ULK4: variants seen among roughly 807,000 people sequenced by gnomAD.
ULK4 encodes the protein unc-51 like kinase 4.
ULK4 carries 133 observed loss-of-function variants against 160.6 expected under a neutral mutation model. The ratio of observed to expected loss-of-function variants is 0.83; its 90% CI spans 0.72 to 0.96. The LOEUF is 0.96. ULK4 is among the 40% of genes least tolerant of loss of function. ULK4 has a pLI of 0.00. For missense variants in ULK4, 1,580 were observed against 1,499.5 expected (o/e 1.05, Z -0.89); for synonymous variants, 534 against 539.8 (o/e 0.99, Z 0.15).
chr3:41,320,203 G>A (rs993803417), intron 35 of ULK4, among the ~76,000 whole-genome samples: 7 of 152,062 alleles, frequency 4.6e-5, no homozygotes, highest in African/African-American at 1.7e-4. Flanking sequence ...AGATTTCTCA[G>A]GAGGATGAAG....
chr3:41,249,389 C>T, intron 36 of ULK4, 100 bp downstream of exon 36: 1 of 1,120,824 alleles, frequency 8.9e-7, no homozygotes, highest in Non-Finnish European at 1.3e-6. Flanking sequence ...GGTGGTAGTC[C>T]CTGGTGTGGA....
chr3:41,607,340 TGAA>T (rs1257874491), intron 31 of ULK4, among the ~76,000 whole-genome samples: 1 of 152,158 alleles, frequency 6.6e-6, no homozygotes, highest in African/African-American at 2.4e-5. Flanking sequence ...TATAACCTTT[TGAA>T]GGAGAAGTCC....
At chr3:41,674,559 C>A (rs1345981879) in intron 29 of ULK4, among the ~76,000 whole-genome samples, 1 of 152,104 alleles carries the variant, frequency 6.6e-6, no homozygotes, top group Non-Finnish European at 1.5e-5. Context: ...TTCCAACTAC[C>A]TTGAAGAAAG....
At chr3:41,818,654 C>T (rs1258284395) in intron 19 of ULK4, among the ~76,000 whole-genome samples, 1 of 152,170 alleles carries the variant, frequency 6.6e-6, no homozygotes, top group East Asian at 1.9e-4. Flanking sequence ...AGTTTTTCTA[C>T]ACTTGGAACA....
intron 19 of ULK4, 85 bp downstream of exon 19, chr3:41,819,338 A>ACTG: frequency 7.7e-7 from 1 of 1,306,958 alleles, no homozygotes; most frequent in Non-Finnish European, 1.1e-6. Flanking sequence ...AAGCTCCTGC[A>ACTG]CTGCTGCAGG....
At chr3:41,323,232 C>G (rs1461913105) in intron 35 of ULK4, among the ~76,000 whole-genome samples, 1 of 152,018 alleles carries the variant, frequency 6.6e-6, no homozygotes, top group Non-Finnish European at 1.5e-5. Flanking sequence ...CCACCATGCC[C>G]GGCCATTCTT....
intron 35 of ULK4, among the ~76,000 whole-genome samples, chr3:41,356,123 T>C (rs1369720668): frequency 6.6e-6 from 1 of 152,168 alleles, no homozygotes; most frequent in African/African-American, 2.4e-5. Flanking sequence ...GTTTCCATAT[T>C]TGAGGCTGCC....
At chr3:41,689,308 T>C (rs2036204361) in intron 27 of ULK4, among the ~76,000 whole-genome samples, 1 of 152,366 alleles carries the variant, frequency 6.6e-6, no homozygotes, top group Middle Eastern at 3.4e-3. Context: ...CCCTTTTTAA[T>C]AATTAAATTT....
chr3:41,498,273 G>C (rs949977876), intron 32 of ULK4, among the ~76,000 whole-genome samples: 14 of 152,148 alleles, frequency 9.2e-5, no homozygotes, highest in African/African-American at 3.1e-4. Context: ...TCAAATGTTT[G>C]GGAATTAAGG....
chr3:41,540,539 T>C (rs2086661125), intron 32 of ULK4, among the ~76,000 whole-genome samples: 2 of 152,228 alleles, frequency 1.3e-5, no homozygotes, highest in African/African-American at 4.8e-5. Context: ...TTATAATCCT[T>C]TGGGTATATA....
rs1485916583 is a variant in ULK4, at chr3:41,774,761, G to A, written c.2193+14900C>T. On this transcript the variant is annotated intron_variant, in intron 21 of 36. Transcript: ENST00000301831. ...GGATTATAAATCATGCTGCTATAAAGACACATGCACACATATGTTTATTGC... is the reference window on the plus strand; with the variant it reads ...GGATTATAAATCATGCTGCTATAAAAACACATGCACACATATGTTTATTGC... Among the ~76,000 whole-genome samples the A allele has an allele frequency of 2.7e-5, 4 of 150,406 alleles. 1 individual carries two copies. The highest frequency in any genetic ancestry group is 1.0e-4 in the African/African-American group (4 of 39,832).
intron 2 of ULK4, among the ~76,000 whole-genome samples, chr3:41,951,379 G>A (rs1293456963): frequency 6.7e-6 from 1 of 149,244 alleles, no homozygotes; most frequent in Non-Finnish European, 1.5e-5. Context: ...TATGTCAAAC[G>A]GCCAAAACAA....
chr3:41,859,815 G>A (rs886065504), intron 17 of ULK4, among the ~76,000 whole-genome samples: 3 of 147,074 alleles, frequency 2.0e-5, no homozygotes, highest in African/African-American at 7.7e-5. Context: ...ACGCCACCAT[G>A]CCTGGCTAAT....
rs1057258023 is a variant in ULK4, at chr3:41,641,888, T to C, written c.3071+21719A>G. Among the ~76,000 whole-genome samples, 6 of 141,540 alleles carry C rather than the reference T, an allele frequency of 4.2e-5. No homozygotes were observed. In the East Asian group the frequency reaches 7.8e-4, roughly 19 times the overall value. The allele number at this position is 141,540 out of a possible 152,430, so 92.9% of individuals were successfully genotyped here. A position where few individuals can be genotyped will look rare whatever the true frequency, so the allele number is the denominator to read the frequency against. ...ATTAATACCTTTTTTTTTTTTTTTT[T>C]CTTTGAGACGGAGTTTCACTCTTGC... On this transcript the variant is annotated intron_variant, in intron 30 of 36. Transcript: ENST00000301831.
chr3:41,643,184 C>T (rs7622542), intron 30 of ULK4, among the ~76,000 whole-genome samples: 16,317 of 151,590 alleles, frequency 0.11, 1,008 homozygotes, highest in African/African-American at 0.16. Context: ...GTGCAGAAGC[C>T]CTTTAGTTTA....
chr3:41,558,531 C>A (rs1230858010), intron 32 of ULK4, among the ~76,000 whole-genome samples: 4 of 151,896 alleles, frequency 2.6e-5, no homozygotes, highest in African/African-American at 9.7e-5. Flanking sequence ...TAATGAAACA[C>A]TGTCTCTACT....
intron 6 of ULK4, among the ~76,000 whole-genome samples, chr3:41,919,501 C>G (rs1699111287): frequency 6.6e-6 from 1 of 152,154 alleles, no homozygotes; most frequent in Non-Finnish European, 1.5e-5. Flanking sequence ...ACTCGGGAAG[C>G]TGAGACACAG....
rs181096053 is a variant in ULK4 at position 41,769,137 on chromosome 3, T to A, written c.2194-14649A>T. On this transcript the variant is annotated intron_variant, in intron 21 of 36. Coordinates refer to ENST00000301831, the MANE Select transcript of ULK4 (RefSeq NM_017886.4). Reference sequence around the variant, plus strand: ...ATAGCTTTATTTGTAACACAATAACTCTGGGTCCTTTAAGAAGCTGCAGCA... The same window carrying A: ...ATAGCTTTATTTGTAACACAATAACACTGGGTCCTTTAAGAAGCTGCAGCA... 4.3e-4 allele frequency among the ~76,000 whole-genome samples: 66 copies of A among 152,272 alleles called. No homozygotes were observed. In the East Asian group the frequency reaches 0.011, roughly 26 times the overall value.
chr3:41,933,758 T>C (rs1266629400), intron 4 of ULK4, among the ~76,000 whole-genome samples: 1 of 150,440 alleles, frequency 6.6e-6, no homozygotes, highest in Non-Finnish European at 1.5e-5. Context: ...AAAAAAATAA[T>C]GTGGTTTTTA....
Sources: gnomAD v4.1 joint callset for allele counts (sites outside exome capture counted in the v4.1 genomes callset) on GRCh38, gnomAD v4.1.1 for gene constraint, MANE v1.5 for transcripts, NCBI Gene and HGNC (gene_info 2026-07-23, HGNC 2026-07-21) for gene names.